The following FBXL17 variants were observed in gnomAD, a reference collection of about 807,000 sequenced individuals.
The protein encoded by FBXL17 is F-box/LRR-repeat protein 17.
FBXL17 carries 22 observed loss-of-function variants against 66.2 expected under a neutral mutation model. That is an observed-to-expected ratio of 0.33 (90% CI 0.24 to 0.47). The LOEUF is 0.47. Ranked by LOEUF, FBXL17 falls within the 20% of genes least tolerant of loss-of-function variation. FBXL17 has a pLI of 1.00. For missense variants in FBXL17, 878 were observed against 948.2 expected (o/e 0.93, Z 0.97); for synonymous variants, 474 against 400.5 (o/e 1.18, Z -2.19).
chr5:108,371,765 T>C (rs996150532), intron 1 of FBXL17, among the ~76,000 whole-genome samples: 1 of 152,170 alleles, frequency 6.6e-6, no homozygotes, highest in South Asian at 2.1e-4. Context: ...TAGAACTAAA[T>C]TATACAGTAA....
At chr5:108,377,373 C>G (rs990227049) in intron 1 of FBXL17, among the ~76,000 whole-genome samples, 1 of 152,204 alleles carries the variant, frequency 6.6e-6, no homozygotes, top group Admixed American at 6.5e-5. Flanking sequence ...CTTAAACTAG[C>G]AAATACATGG....
intron 4 of FBXL17, among the ~76,000 whole-genome samples, chr5:108,250,193 T>A (rs1369807679): frequency 1.3e-5 from 2 of 152,146 alleles, no homozygotes; most frequent in African/African-American, 4.8e-5. Flanking sequence ...TACAGCAAAT[T>A]ACACACTAAA....
At chr5:107,905,763 T>A (rs1749734344) in intron 7 of FBXL17, among the ~76,000 whole-genome samples, 1 of 152,236 alleles carries the variant, frequency 6.6e-6, no homozygotes, top group Non-Finnish European at 1.5e-5. Flanking sequence ...TCTGGAATTA[T>A]TTCCATAGTG....
intron 7 of FBXL17, among the ~76,000 whole-genome samples, chr5:107,951,808 T>C (rs1751507137): frequency 6.6e-6 from 1 of 152,226 alleles, no homozygotes; most frequent in African/African-American, 2.4e-5. Context: ...AATGGCAGTT[T>C]ATTGCATCAA....
intron 6 of FBXL17, among the ~76,000 whole-genome samples, chr5:108,064,850 G>A (rs1034463946): frequency 2.0e-5 from 3 of 152,018 alleles, no homozygotes; most frequent in Non-Finnish European, 4.4e-5. Flanking sequence ...TCCAGCAGAG[G>A]ATCTCATCTG....
intron 6 of FBXL17, among the ~76,000 whole-genome samples, chr5:108,027,845 G>A (rs1020762974): frequency 6.6e-6 from 1 of 151,918 alleles, no homozygotes; most frequent in Non-Finnish European, 1.5e-5. Context: ...TTCATTCTTC[G>A]GTAGAAACAC....
At chr5:107,949,228 C>T (rs1406761622) in intron 7 of FBXL17, among the ~76,000 whole-genome samples, 2 of 150,870 alleles carry the variant, frequency 1.3e-5, no homozygotes, top group Admixed American at 6.6e-5. Context: ...CATGATGTTA[C>T]TTATATATAC....
chr5:108,038,275 TG>T (rs1746921435), intron 6 of FBXL17, among the ~76,000 whole-genome samples: 1 of 144,278 alleles, frequency 6.9e-6, no homozygotes, highest in Non-Finnish European at 1.6e-5. Flanking sequence ...TTATTACATT[TG>T]TTAGTTGTAA....
chr5:108,296,205 T>C (rs1277726995), intron 4 of FBXL17, among the ~76,000 whole-genome samples: 1 of 151,786 alleles, frequency 6.6e-6, no homozygotes, highest in Non-Finnish European at 1.5e-5. Flanking sequence ...AGGCTGAATC[T>C]CAAGTTTCTG....
At chr5:108,231,214 G>A (rs974951150) in intron 4 of FBXL17, among the ~76,000 whole-genome samples, 33 of 152,088 alleles carry the variant, frequency 2.2e-4, no homozygotes, top group Non-Finnish European at 3.4e-4. Context: ...AGTATAATTC[G>A]TCAAGTTTTA....
chr5:108,290,485 G>A (rs933438657), intron 4 of FBXL17, among the ~76,000 whole-genome samples: 3 of 151,980 alleles, frequency 2.0e-5, no homozygotes, highest in Admixed American at 2.0e-4. Flanking sequence ...AAATTATTTG[G>A]CTCTTCTTGC....
intron 4 of FBXL17, among the ~76,000 whole-genome samples, chr5:108,333,362 C>T (rs571393843): frequency 6.6e-6 from 1 of 151,978 alleles, no homozygotes; most frequent in South Asian, 2.1e-4. Context: ...AGACTTCATG[C>T]AAAGATGGAC....
At chr5:107,874,675 T>G (rs1748561608) in intron 8 of FBXL17, among the ~76,000 whole-genome samples, 4 of 152,172 alleles carry the variant, frequency 2.6e-5, no homozygotes, top group African/African-American at 9.7e-5. Context: ...GAAAGGACTT[T>G]TAGTTACCAC....
intron 4 of FBXL17, among the ~76,000 whole-genome samples, chr5:108,251,995 T>A (rs187018742): frequency 6.6e-6 from 1 of 152,096 alleles, no homozygotes; most frequent in Non-Finnish European, 1.5e-5. Flanking sequence ...ATAATGAACA[T>A]TCTTGACATG....
Position 108,376,690 on chromosome 5 carries a change from T to C in FBXL17, c.993+4009A>G, listed in dbSNP as rs575890742. On this transcript the variant is annotated intron_variant, in intron 1 of 8. Coordinates refer to ENST00000542267, the MANE Select transcript of FBXL17 (RefSeq NM_001163315.3). ...TCAGTTTCTATTAACTGCTTTCTTTTTCCCTCAGCATGGGTCACATTTTTC... is the reference window on the plus strand; with the variant it reads ...TCAGTTTCTATTAACTGCTTTCTTTCTCCCTCAGCATGGGTCACATTTTTC... 7.9e-5 allele frequency among the ~76,000 whole-genome samples: 12 copies of C among 152,350 alleles called. 1 individual carries two copies. The South Asian group carries it at 1.2e-3, about 16-fold the overall frequency.
At chr5:107,901,662 G>C (rs539152614) in intron 7 of FBXL17, among the ~76,000 whole-genome samples, 1 of 152,254 alleles carries the variant, frequency 6.6e-6, no homozygotes, top group Non-Finnish European at 1.5e-5. Flanking sequence ...TTCTGTATCT[G>C]CCACTCATTC....
intron 6 of FBXL17, among the ~76,000 whole-genome samples, chr5:108,065,094 T>C (rs1748068767): frequency 1.3e-5 from 2 of 152,200 alleles, no homozygotes; most frequent in Non-Finnish European, 2.9e-5. Context: ...TAGCAATTTC[T>C]TAAATGACTT....
chr5:108,077,260 T>C (rs1748588160), intron 6 of FBXL17, among the ~76,000 whole-genome samples: 1 of 152,234 alleles, frequency 6.6e-6, no homozygotes, highest in South Asian at 2.1e-4. Flanking sequence ...ATATTCTTGA[T>C]GCAAATAGGC....
intron 7 of FBXL17, among the ~76,000 whole-genome samples, chr5:107,976,017 C>T (rs1580273233): frequency 6.6e-6 from 1 of 151,910 alleles, no homozygotes; most frequent in Non-Finnish European, 1.5e-5. Context: ...CGCCACCATG[C>T]CCGGCTAATT....
Sources: gnomAD v4.1 joint callset for allele counts (sites outside exome capture counted in the v4.1 genomes callset) on GRCh38, gnomAD v4.1.1 for gene constraint, MANE v1.5 for transcripts, NCBI Gene and HGNC (gene_info 2026-07-23, HGNC 2026-07-21) for gene names.